Variants in OR1J2 observed in about 807,000 individuals in gnomAD.
OR1J2 encodes the protein olfactory receptor family 1 subfamily J member 2, also known as olfactory receptor 1J2.
For synonymous variants in OR1J2, 142 were observed against 99.7 expected (o/e 1.42, Z -2.52); for missense variants, 304 against 246.1 (o/e 1.24, Z -1.57).
chr9:122,567,675 G>C, the OR1J2 span: 1 of 1,614,094 alleles, frequency 6.2e-7, no homozygotes, highest in Non-Finnish European at 8.5e-7. Flanking sequence ...GTCCTTGACA[G>C]CGTAGGTGGA....
At chr9:122,513,016 A>G (rs1828658431), downstream of OR1J2, among the ~76,000 whole-genome samples, 1 of 152,198 alleles carries the variant, frequency 6.6e-6, no homozygotes. Context: ...CTATAACCCC[A>G]CAAAGGGACA....
the OR1J2 span, among the ~76,000 whole-genome samples, chr9:122,489,308 A>G: frequency 7.9e-5 from 12 of 152,014 alleles, no homozygotes; most frequent in Non-Finnish European, 1.0e-4. Context: ...TACACTCGCC[A>G]GACTACGGAG....
the OR1J2 span, among the ~76,000 whole-genome samples, chr9:122,456,369 C>T: frequency 1.3e-5 from 2 of 152,200 alleles, no homozygotes; most frequent in African/African-American, 4.8e-5. Context: ...TAAGGCAGAG[C>T]TGTAAATTAC....
upstream of OR1J2, among the ~76,000 whole-genome samples, chr9:122,505,954 A>G (rs1310065408): frequency 6.6e-6 from 1 of 152,162 alleles, no homozygotes; most frequent in Non-Finnish European, 1.5e-5. Flanking sequence ...CAATGAAACA[A>G]TAAAACCTCG....
the OR1J2 span, among the ~76,000 whole-genome samples, chr9:122,480,810 T>C: frequency 6.6e-6 from 1 of 152,052 alleles, no homozygotes; most frequent in Admixed American, 6.6e-5. Flanking sequence ...TTTTATTTTT[T>C]GTTGAGATGG....
chr9:122,477,206 A>C, the OR1J2 span: 2 of 1,614,054 alleles, frequency 1.2e-6, no homozygotes, highest in Non-Finnish European at 1.7e-6. Flanking sequence ...TGGGATCCAC[A>C]AGTGGACAAG....
chr9:122,453,835 G>C, the OR1J2 span, among the ~76,000 whole-genome samples: 3 of 152,160 alleles, frequency 2.0e-5, no homozygotes, highest in African/African-American at 4.8e-5. Context: ...TCATACCCAG[G>C]TATTTGCTTT....
chr9:122,461,142 G>C, the OR1J2 span, among the ~76,000 whole-genome samples: 1 of 151,960 alleles, frequency 6.6e-6, no homozygotes, highest in Non-Finnish European at 1.5e-5. Context: ...AGGACTTCCA[G>C]TACTATGTTG....
the OR1J2 span, among the ~76,000 whole-genome samples, chr9:122,503,825 A>G: frequency 6.6e-6 from 1 of 152,208 alleles, no homozygotes; most frequent in Non-Finnish European, 1.5e-5. Flanking sequence ...ACTGCACAAT[A>G]ACTTTTTGAG....
chr9:122,566,187 G>A, the OR1J2 span, among the ~76,000 whole-genome samples: 3 of 152,176 alleles, frequency 2.0e-5, no homozygotes, highest in South Asian at 4.1e-4. Flanking sequence ...TAAAGTAAAC[G>A]TGCCAAAATC....
the OR1J2 span, among the ~76,000 whole-genome samples, chr9:122,550,561 G>A: frequency 6.7e-6 from 1 of 148,936 alleles, no homozygotes; most frequent in Non-Finnish European, 1.5e-5. Context: ...GATCAAGTGG[G>A]TTTTTTTTTT....
chr9:122,496,741 A>G, the OR1J2 span, among the ~76,000 whole-genome samples: 1 of 152,204 alleles, frequency 6.6e-6, no homozygotes, highest in South Asian at 2.1e-4. Flanking sequence ...GTCATAGTAG[A>G]TAAGAGACAA....
chr9:122,491,034 G>C, the OR1J2 span, among the ~76,000 whole-genome samples: 14 of 152,308 alleles, frequency 9.2e-5, no homozygotes, highest in African/African-American at 1.4e-4. Flanking sequence ...GTGTGTATAA[G>C]AGAGTGACCA....
At chr9:122,547,232 A>G in the OR1J2 span, among the ~76,000 whole-genome samples, 1 of 152,174 alleles carries the variant, frequency 6.6e-6, no homozygotes, top group South Asian at 2.1e-4. Context: ...TTAAAAAGGC[A>G]TGAACACCCC....
the OR1J2 span, among the ~76,000 whole-genome samples, chr9:122,570,460 A>G: frequency 6.6e-6 from 1 of 152,230 alleles, no homozygotes; most frequent in Non-Finnish European, 1.5e-5. Flanking sequence ...CTAAAAAATT[A>G]AATGCTTACA....
chr9:122,497,059 G>T, the OR1J2 span, among the ~76,000 whole-genome samples: 36,497 of 151,884 alleles, frequency 0.24, 4,544 homozygotes, highest in African/African-American at 0.27. Flanking sequence ...TGTACATCCC[G>T]ACAGCACTGA....
At chr9:122,486,017 G>A in the OR1J2 span, among the ~76,000 whole-genome samples, 1 of 149,030 alleles carries the variant, frequency 6.7e-6, no homozygotes, top group Non-Finnish European at 1.5e-5. Flanking sequence ...GTGCAGTGCA[G>A]TGGAACCATC....
At chr9:122,568,186 A>G in the OR1J2 span, 45 of 1,614,218 alleles carry the variant, frequency 2.8e-5, no homozygotes, top group African/African-American at 4.3e-4. Context: ...TGTGTCAGAC[A>G]CCCAGCATAG....
At chr9:122,528,177 T>A in the OR1J2 span, among the ~76,000 whole-genome samples, 11 of 152,332 alleles carry the variant, frequency 7.2e-5, no homozygotes, top group Middle Eastern at 3.4e-3. Context: ...ATCTTTTATA[T>A]GTGTGTTTTA....
Sources: allele counts gnomAD v4.1 joint callset (sites outside exome capture counted in the v4.1 genomes callset), GRCh38; gene constraint gnomAD v4.1.1; transcripts MANE v1.5; gene names NCBI Gene and HGNC (gene_info 2026-07-23, HGNC 2026-07-21).